Variants in NFYC observed in about 807,000 individuals in gnomAD.
NFYC encodes CAAT box DNA-binding protein subunit C.
A neutral mutation model predicts 53.1 loss-of-function variants in NFYC; 25 were observed. The observed-to-expected ratio is 0.47, with a 90% CI of 0.34 to 0.66. The LOEUF (loss-of-function observed/expected upper bound fraction) is 0.66, where lower values mean the gene tolerates loss of function less well. NFYC is among the 30% of genes least tolerant of loss of function. The pLI is 0.01. For synonymous variants in NFYC, 145 were observed against 152.6 expected (o/e 0.95, Z 0.37); for missense variants, 260 against 422.7 (o/e 0.62, Z 3.38).
chr1:40,726,090 A>G (rs560870510), intron 1 of NFYC, among the ~76,000 whole-genome samples: 1 of 147,150 alleles, frequency 6.8e-6, no homozygotes, highest in African/African-American at 2.4e-5. Context: ...TGGCTTTGGC[A>G]ATTTCTGTGT....
intron 5 of NFYC, 128 bp downstream of exon 5, chr1:40,753,374 T>G: frequency 1.6e-6 from 1 of 615,028 alleles, no homozygotes; most frequent in South Asian, 2.2e-5. Context: ...TAGACCAGAT[T>G]CATTCTTAAC....
chr1:40,750,661 T>A (rs1467564339), intron 4 of NFYC, among the ~76,000 whole-genome samples: 1 of 152,234 alleles, frequency 6.6e-6, no homozygotes, highest in Admixed American at 6.5e-5. Context: ...TTATGTTGCC[T>A]TGAAGTTAGT....
intron 7 of NFYC, among the ~76,000 whole-genome samples, chr1:40,765,802 C>T (rs1295205540): frequency 1.3e-5 from 2 of 152,230 alleles, no homozygotes; most frequent in Non-Finnish European, 2.9e-5. Context: ...AACACTAATA[C>T]TTTCATGGTA....
chr1:40,770,389 T>C lies in NFYC; in HGVS notation c.889-320T>C, dbSNP rs1434072098. ...TACAGTGGTTCGAATTGCTTGTGTT[T>C]GCCACAGAGGAACAGCGTGCAGCAA... On this transcript the variant is annotated intron_variant, in intron 9 of 9. Coordinates refer to ENST00000447388, the MANE Select transcript of NFYC (RefSeq NM_014223.5). This position sits in a 1 kb window ranked among gnomAD's most constrained non-coding sequence, Gnocchi z 5.3. 7 of 1,540,548 alleles carry C rather than the reference T, an allele frequency of 4.5e-6. No individual in the cohort carries two copies. The highest frequency in any genetic ancestry group is 6.1e-6 in the Non-Finnish European group (7 of 1,139,486).
chr1:40,738,315 G>A lies in NFYC; in HGVS notation c.-8-521G>A, dbSNP rs1296109088. The stretch of plus-strand genomic sequence containing the variant: ...CCTGAGTAGCTGGAACCACAGGCAT[G>A]CACCTTTGTGCCCAGCTTGGCTTTT... On this transcript the variant is annotated intron_variant, in intron 1 of 9. Coordinates refer to ENST00000447388, the MANE Select transcript of NFYC (RefSeq NM_014223.5). Among the ~76,000 whole-genome samples, 4 of 152,170 alleles carry A rather than the reference G, an allele frequency of 2.6e-5. No individual in the cohort carries two copies. In the East Asian group the frequency reaches 7.7e-4, roughly 29 times the overall value.
At chr1:40,702,728 G>C (rs1643500177) in intron 1 of NFYC, among the ~76,000 whole-genome samples, 1 of 152,190 alleles carries the variant, frequency 6.6e-6, no homozygotes, top group South Asian at 2.1e-4. Context: ...GATTGGATTT[G>C]AGAAATAGCT....
chr1:40,769,513 C>T, intron 9 of NFYC, 98 bp downstream of exon 9: 1 of 963,960 alleles, frequency 1.0e-6, no homozygotes, highest in Non-Finnish European at 1.7e-6. Context: ...CTGTCCTGTC[C>T]TCTACTAACA....
chr1:40,729,907 C>T (rs1644687558), intron 1 of NFYC, among the ~76,000 whole-genome samples: 1 of 152,084 alleles, frequency 6.6e-6, no homozygotes, highest in African/African-American at 2.4e-5. Flanking sequence ...AACTCCTGAC[C>T]TCAGGTGATC....
chr1:40,709,894 A>C (rs1397491602), intron 1 of NFYC, among the ~76,000 whole-genome samples: 1 of 152,202 alleles, frequency 6.6e-6, no homozygotes, highest in African/African-American at 2.4e-5. Context: ...GGTAAACTTA[A>C]CTGTTTTCCA....
In NFYC at chr1:40,703,480, T is replaced by TA. The variant is rs57102599; in HGVS notation, c.-9+11627dup. On this transcript the variant is annotated intron_variant, in intron 1 of 9. Coordinates refer to ENST00000447388, the MANE Select transcript of NFYC (RefSeq NM_014223.5). ...GTACTCCAGCCTGGGCAATTAGCCC[T>TA]AAAAAAAAAAAAAAGAATATGAAGC... is the stretch of plus-strand genomic sequence containing the variant. 3.8e-3 allele frequency among the ~76,000 whole-genome samples: 369 copies of TA among 97,726 alleles called. 7 individuals carry two copies. Among genetic ancestry groups the TA allele is most frequent in the Middle Eastern group, 6.4e-3 (1 of 156 alleles). 64.1% of individuals were successfully genotyped at this position (97,726 alleles called of 152,430 possible).
At chr1:40,726,683 C>G (rs1409469600) in intron 1 of NFYC, among the ~76,000 whole-genome samples, 1 of 152,214 alleles carries the variant, frequency 6.6e-6, no homozygotes, top group Non-Finnish European at 1.5e-5. Context: ...TCCCAAAGTG[C>G]TGGGATTACT....
intron 1 of NFYC, among the ~76,000 whole-genome samples, chr1:40,724,534 C>T (rs981644957): frequency 2.6e-5 from 4 of 152,128 alleles, no homozygotes; most frequent in African/African-American, 9.7e-5. Flanking sequence ...ATACAAAATA[C>T]TGATAGTGTT....
chr1:40,733,694 G>A (rs1345504919), intron 1 of NFYC, among the ~76,000 whole-genome samples: 1 of 150,714 alleles, frequency 6.6e-6, no homozygotes, highest in Non-Finnish European at 1.5e-5. Flanking sequence ...TCAGCCTCCT[G>A]AGTAGCTAAG....
intron 1 of NFYC, among the ~76,000 whole-genome samples, chr1:40,708,157 G>T (rs1479937667): frequency 3.9e-5 from 6 of 151,992 alleles, no homozygotes; most frequent in Non-Finnish European, 8.8e-5. Context: ...ATTATTTAAA[G>T]TATGGAGGAA....
At chr1:40,761,427 A>G (rs1646540357) in intron 6 of NFYC, among the ~76,000 whole-genome samples, 1 of 152,204 alleles carries the variant, frequency 6.6e-6, no homozygotes, top group Non-Finnish European at 1.5e-5. Context: ...GACAGAATAC[A>G]TATGTATTAA....
chr1:40,766,328 G>C, intron 7 of NFYC: 1 of 424,852 alleles, frequency 2.4e-6, no homozygotes, highest in East Asian at 4.2e-5. Context: ...CAGCCATGCT[G>C]TTCTCACCTT....
intron 1 of NFYC, among the ~76,000 whole-genome samples, chr1:40,730,332 C>A (rs553809013): frequency 6.6e-6 from 1 of 151,804 alleles, no homozygotes; most frequent in African/African-American, 2.4e-5. Flanking sequence ...TGAGCCACCA[C>A]ACCTGGCCTT....
At chr1:40,754,046 TG>T (rs1352174624) in intron 5 of NFYC, among the ~76,000 whole-genome samples, 1 of 152,122 alleles carries the variant, frequency 6.6e-6, no homozygotes, top group East Asian at 1.9e-4. Flanking sequence ...ATTCACTAGG[TG>T]CCACTTGGGA....
At chr1:40,749,098 C>G (rs1272504477) in intron 3 of NFYC, among the ~76,000 whole-genome samples, 1 of 152,170 alleles carries the variant, frequency 6.6e-6, no homozygotes, top group African/African-American at 2.4e-5. Flanking sequence ...CATATATTAT[C>G]TCATTTGATT....
Sources: allele counts gnomAD v4.1 joint callset (sites outside exome capture counted in the v4.1 genomes callset), GRCh38; gene constraint gnomAD v4.1.1; non-coding constraint Gnocchi (gnomAD v3.1); transcripts MANE v1.5; gene names NCBI Gene and HGNC (gene_info 2026-07-23, HGNC 2026-07-21).